ARHGAP23: variants seen among roughly 807,000 people sequenced by gnomAD.
The protein encoded by ARHGAP23 is rho GTPase-activating protein 23.
ARHGAP23 carries 34 observed loss-of-function variants against 136.3 expected under a neutral mutation model. The observed-to-expected ratio is 0.25, with a 90% CI of 0.19 to 0.33. ARHGAP23 has a LOEUF of 0.33. Among genes scored for constraint, ARHGAP23 ranks in the 10% least tolerant of loss-of-function variants. The pLI, the probability that ARHGAP23 is intolerant of heterozygous loss-of-function variation, is 1.00. For missense variants in ARHGAP23, 1,808 were observed against 2,139.0 expected (o/e 0.85, Z 3.05); for synonymous variants, 832 against 920.5 (o/e 0.90, Z 1.74).
chr17:38,464,260 A>G (rs2039529871), intron 6 of ARHGAP23, among the ~76,000 whole-genome samples: 1 of 152,098 alleles, frequency 6.6e-6, no homozygotes, highest in Non-Finnish European at 1.5e-5. Flanking sequence ...CACTGCACGA[A>G]GCAGGCCCTG....
At chr17:38,430,787 G>A (rs1431226422) in intron 1 of ARHGAP23, among the ~76,000 whole-genome samples, 1 of 152,192 alleles carries the variant, frequency 6.6e-6, no homozygotes, top group Non-Finnish European at 1.5e-5. Context: ...ATGGTCATTG[G>A]AGATATCAAA....
chr17:38,478,714 A>ATTTTTT (rs1329153615), intron 12 of ARHGAP23, among the ~76,000 whole-genome samples: 1 of 151,986 alleles, frequency 6.6e-6, no homozygotes. Context: ...CAGCCGAAGA[A>ATTTTTT]TTTTTTTTAA....
chr17:38,440,370 A>C (rs2144523775), intron 1 of ARHGAP23, among the ~76,000 whole-genome samples: 1 of 152,304 alleles, frequency 6.6e-6, no homozygotes, highest in South Asian at 2.1e-4. Flanking sequence ...TATTTGTTGC[A>C]TGTCTATGTC....
At chr17:38,474,422 A>G (rs1250847860) in intron 11 of ARHGAP23, among the ~76,000 whole-genome samples, 2 of 151,514 alleles carry the variant, frequency 1.3e-5, no homozygotes, top group Non-Finnish European at 2.9e-5. Context: ...GGCTGCTGGG[A>G]GGTATGGAAG....
rs1297436910 is a variant in ARHGAP23 at position 38,482,002 on chromosome 17, C to T, written c.2630-20C>T. 1.3e-6 allele frequency: 2 copies of T among 1,510,386 alleles called. No homozygotes were observed. Among genetic ancestry groups the T allele is most frequent in the Non-Finnish European group, 1.8e-6 (2 of 1,130,012 alleles). The allele number at this position is 1,510,386 out of a possible 1,614,324, so 93.6% of individuals were successfully genotyped here. On this transcript the variant is annotated intron_variant, in intron 14 of 23. Coordinates refer to ENST00000622683, the MANE Select transcript of ARHGAP23 (RefSeq NM_001199417.2). Reference sequence around the variant, plus strand: ...TCCTGGATACCCCAGCTCACTCTGGCTCTGTCTCCCCCACTTCAGATGACA... The same window carrying T: ...TCCTGGATACCCCAGCTCACTCTGGTTCTGTCTCCCCCACTTCAGATGACA...
At chr17:38,472,899 T>C (rs1407097829) in intron 11 of ARHGAP23, among the ~76,000 whole-genome samples, 2 of 152,224 alleles carry the variant, frequency 1.3e-5, no homozygotes, top group Non-Finnish European at 2.9e-5. Flanking sequence ...GTTTACCCAG[T>C]GCCCGGCACT....
At chr17:38,428,241 T>TCCA (rs1366428008), upstream of ARHGAP23, among the ~76,000 whole-genome samples, 2 of 151,950 alleles carry the variant, frequency 1.3e-5, no homozygotes, top group Non-Finnish European at 2.9e-5. Flanking sequence ...GGCTCTGACG[T>TCCA]CCAGCTCTCA....
intron 1 of ARHGAP23, among the ~76,000 whole-genome samples, chr17:38,432,410 T>C (rs2038704680): frequency 6.6e-6 from 1 of 152,128 alleles, no homozygotes; most frequent in African/African-American, 2.4e-5. Flanking sequence ...CCAGGAGCAG[T>C]GGCTGACACC....
chr17:38,499,476 C>T (rs1460713118), intron 22 of ARHGAP23, among the ~76,000 whole-genome samples: 2 of 152,188 alleles, frequency 1.3e-5, no homozygotes. Context: ...GAGGGCCACT[C>T]CCTTTGTGGC....
intron 16 of ARHGAP23, among the ~76,000 whole-genome samples, chr17:38,483,758 G>A (rs1194892946): frequency 9.2e-5 from 14 of 152,222 alleles, no homozygotes; most frequent in Non-Finnish European, 2.1e-4. Flanking sequence ...GAAGGAGAGG[G>A]TGCTCAGGCT....
chr17:38,466,115 A>T, intron 6 of ARHGAP23, 52 bp from the exon 7 acceptor site: 2 of 1,355,636 alleles, frequency 1.5e-6, no homozygotes, highest in African/African-American at 1.7e-5. Flanking sequence ...CCGTTCCCCT[A>T]CCCTGTGGGA....
At chr17:38,443,440 G>A (rs2144535064) in intron 1 of ARHGAP23, among the ~76,000 whole-genome samples, 1 of 152,316 alleles carries the variant, frequency 6.6e-6, no homozygotes, top group South Asian at 2.1e-4. Flanking sequence ...GGCAGGGGGA[G>A]GCGGGAGGAG....
intron 1 of ARHGAP23, among the ~76,000 whole-genome samples, chr17:38,455,385 G>A (rs1419183838): frequency 2.6e-5 from 4 of 152,176 alleles, no homozygotes; most frequent in Admixed American, 2.0e-4. Flanking sequence ...GGAAGGAACA[G>A]AGGAAAGGGA....
Position 38,485,963 on chromosome 17 carries a change from A to AG in ARHGAP23, c.2908-96dup, listed in dbSNP as rs551066444. On this transcript the variant is annotated intron_variant, in intron 16 of 23. Transcript: ENST00000622683. The stretch of plus-strand genomic sequence containing the variant: ...AGCTTGGTCTAAGTAGGTCCCAGGG[A>AG]GGGCCTGGTGGGCTTGATTGGGCTC... 416 of 1,118,852 alleles carry AG rather than the reference A, an allele frequency of 3.7e-4. 2 individuals are homozygous for AG. In the African/African-American group the frequency reaches 5.8e-3, roughly 16 times the overall value. The allele number at this position is 1,118,852 out of a possible 1,614,324, so 69.3% of individuals were successfully genotyped here. A position where few individuals can be genotyped will look rare whatever the true frequency, so the allele number is the denominator to read the frequency against.
chr17:38,430,457 C>G (rs2038662551), intron 1 of ARHGAP23, among the ~76,000 whole-genome samples: 1 of 152,040 alleles, frequency 6.6e-6, no homozygotes, highest in Non-Finnish European at 1.5e-5. Context: ...GTGCAGCATT[C>G]TTGGCATGGA....
chr17:38,458,000 C>A, intron 1 of ARHGAP23, 102 bp from the exon 2 acceptor site: 1 of 1,408,530 alleles, frequency 7.1e-7, no homozygotes, highest in Admixed American at 2.2e-5. Context: ...GCGAAAGACC[C>A]CTTCTGGTGC....
intron 2 of ARHGAP23, 65 bp downstream of exon 2, chr17:38,458,328 G>A: frequency 6.9e-7 from 1 of 1,446,996 alleles, no homozygotes; most frequent in East Asian, 2.5e-5. Context: ...ACTCTTTTGT[G>A]CCAGTCCCCT....
chr17:38,427,869 C>T (rs1466862683), upstream of ARHGAP23, among the ~76,000 whole-genome samples: 2 of 152,212 alleles, frequency 1.3e-5, no homozygotes, highest in Non-Finnish European at 2.9e-5. Context: ...ACTAAATCTT[C>T]CCTTGTGTCT....
chr17:38,494,130 G>A (rs758615448), intron 20 of ARHGAP23, among the ~76,000 whole-genome samples: 6 of 152,190 alleles, frequency 3.9e-5, no homozygotes, highest in Non-Finnish European at 8.8e-5. Context: ...ATTGCCAAGT[G>A]CCCACTGGGG....
Sources: allele counts gnomAD v4.1 joint callset (sites outside exome capture counted in the v4.1 genomes callset), GRCh38; gene constraint gnomAD v4.1.1; transcripts MANE v1.5; gene names NCBI Gene and HGNC (gene_info 2026-07-23, HGNC 2026-07-21).